The following MTF2 variants were observed in gnomAD, a reference collection of about 807,000 sequenced individuals.
MTF2 encodes the protein metal response element binding transcription factor 2.
A neutral mutation model predicts 79.5 loss-of-function variants in MTF2; 11 were observed. The ratio of observed to expected loss-of-function variants is 0.14; its 90% CI spans 0.09 to 0.23. The LOEUF (loss-of-function observed/expected upper bound fraction) is 0.23, where lower values mean the gene tolerates loss of function less well. Ranked by LOEUF, MTF2 falls within the 10% of genes least tolerant of loss-of-function variation. The pLI, the probability that MTF2 is intolerant of heterozygous loss-of-function variation, is 1.00. For missense variants in MTF2, 486 were observed against 711.2 expected, an observed-to-expected ratio of 0.68 and a Z score of 3.60; for synonymous variants, 208 against 232.8, an observed-to-expected ratio of 0.89 and a Z score of 0.97.
intron 1 of MTF2, among the ~76,000 whole-genome samples, chr1:93,087,941 CT>C (rs3834084): frequency 0.48 from 73,144 of 152,044 alleles, 21,116 homozygotes; most frequent in South Asian, 0.67. Flanking sequence ...GATATGAATG[CT>C]TTTGAGAAAG....
intron 1 of MTF2, among the ~76,000 whole-genome samples, chr1:93,100,595 C>T (rs1655491681): frequency 6.6e-6 from 1 of 152,186 alleles, no homozygotes; most frequent in African/African-American, 2.4e-5. Context: ...CCGTGAGCCA[C>T]CACCCCCAGC....
At chr1:93,126,363 C>T (rs1355349819) in intron 9 of MTF2, among the ~76,000 whole-genome samples, 1 of 151,958 alleles carries the variant, frequency 6.6e-6, no homozygotes, top group Admixed American at 6.5e-5. Context: ...CTCCAGCATT[C>T]TATTTGGCAG....
intron 2 of MTF2, 55 bp from the exon 3 acceptor site, chr1:93,110,490 A>T: frequency 1.2e-6 from 2 of 1,603,350 alleles, no homozygotes; most frequent in South Asian, 2.2e-5. Flanking sequence ...TCTTAAATTT[A>T]ACTTCATGTT....
At chr1:93,125,111 C>T (rs2815429) in intron 9 of MTF2, among the ~76,000 whole-genome samples, 15,739 of 151,728 alleles carry the variant, frequency 0.1, 1,065 homozygotes, top group East Asian at 0.28. Context: ...TCATTGCGAT[C>T]GTCAGAAAGT....
At chr1:93,093,042 C>G (rs974325534) in intron 1 of MTF2, among the ~76,000 whole-genome samples, 1 of 151,944 alleles carries the variant, frequency 6.6e-6, no homozygotes, top group South Asian at 2.1e-4. Flanking sequence ...ATTAGCCAGG[C>G]GTGGTGGCAC....
chr1:93,103,428 A>G (rs958129723), intron 1 of MTF2, among the ~76,000 whole-genome samples: 1 of 151,526 alleles, frequency 6.6e-6, no homozygotes, highest in Non-Finnish European at 1.5e-5. Context: ...CTTTTATTTT[A>G]TATTTACGTA....
intron 9 of MTF2, among the ~76,000 whole-genome samples, chr1:93,123,514 A>T (rs1656571309): frequency 6.6e-6 from 1 of 152,038 alleles, no homozygotes; most frequent in Non-Finnish European, 1.5e-5. Flanking sequence ...TCAGAGAAAA[A>T]ATTTTGTAAT....
intron 1 of MTF2, among the ~76,000 whole-genome samples, chr1:93,079,765 G>T (rs759436772): frequency 4.6e-5 from 7 of 151,998 alleles, no homozygotes; most frequent in Non-Finnish European, 1.0e-4. Flanking sequence ...GTCGTTGGGG[G>T]AGTCTGTTGG....
Position 93,133,768 on chromosome 1 carries a change from A to C in MTF2, c.1226A>C (p.Tyr409Ser), listed in dbSNP as rs146904489. The change falls in exon 12 of 15, where the codon TAT (tyrosine) becomes TCT (serine). Residue 409 changes from tyrosine (Y) to serine (S), a missense_variant. Physicochemically the swap from Tyr to Ser is moderately radical, Grantham distance 144. This residue lies in a region of MTF2 where 209 missense variants were observed against 206.5 expected (regional missense o/e 1.01). Coordinates refer to ENST00000370298, the MANE Select transcript of MTF2 (RefSeq NM_007358.4). The part of the protein sequence containing the change: ...KKSVGRPPGP[Y>S]TRKMIQKTAE... ...TCTGTAGGTCGTCCACCTGGCCCAT[A>C]TACAAGAAAAATGATTCAAAAAACT... 2 of 1,612,606 alleles carry C rather than the reference A, an allele frequency of 1.2e-6. No homozygotes were observed. The highest frequency in any genetic ancestry group is 2.2e-5 in the South Asian group (2 of 90,874).
rs181815497 is a variant in MTF2, at chr1:93,116,065, A to G, written c.632+447A>G. On this transcript the variant is annotated intron_variant, in intron 6 of 14. Coordinates refer to ENST00000370298, the MANE Select transcript of MTF2 (RefSeq NM_007358.4). ...CACAGATAGATTACTGCTTTCTTCT[A>G]CGTATTTTCATTTCTTTCTTAAAGT... Among the ~76,000 whole-genome samples the G allele has an allele frequency of 7.9e-5, 12 of 152,250 alleles. No homozygotes were observed. The East Asian group carries it at 2.3e-3, about 29-fold the overall frequency.
intron 7 of MTF2, 131 bp downstream of exon 7, chr1:93,118,571 TTAAA>T (rs1656345094): frequency 3.7e-6 from 2 of 541,792 alleles, no homozygotes; most frequent in Non-Finnish European, 6.4e-6. Flanking sequence ...AGGGAAAATA[TTAAA>T]TAATATACTT....
chr1:93,138,809 T>G lies in MTF2; in HGVS notation c.*1782T>G, dbSNP rs1460011970. The G allele has an allele frequency of 1.3e-5, 2 of 152,240 alleles. No homozygotes were observed. Among genetic ancestry groups the G allele is most frequent in the Non-Finnish European group, 2.9e-5 (2 of 68,026 alleles). 9.4% of individuals were successfully genotyped at this position (152,240 alleles called of 1,614,324 possible). ...TGAAAAATGTAAATCCCGTGTATCC[T>G]TATTCACTCCACCTGTATCATATTA... On this transcript the variant is annotated 3_prime_UTR_variant, in exon 15 of 15. Coordinates refer to ENST00000370298, the MANE Select transcript of MTF2 (RefSeq NM_007358.4).
chr1:93,093,751 G>A (rs1182657600), intron 1 of MTF2, among the ~76,000 whole-genome samples: 1 of 152,020 alleles, frequency 6.6e-6, no homozygotes, highest in Non-Finnish European at 1.5e-5. Flanking sequence ...CCAGGGTGGA[G>A]TGTAGTGGCT....
intron 9 of MTF2, among the ~76,000 whole-genome samples, chr1:93,124,199 GATT>G (rs1412206927): frequency 6.6e-6 from 1 of 151,902 alleles, no homozygotes; most frequent in African/African-American, 2.4e-5. Flanking sequence ...GGTACCTAAT[GATT>G]ATCATATAGA....
At chr1:93,091,720 C>G (rs907183674) in intron 1 of MTF2, among the ~76,000 whole-genome samples, 1 of 152,194 alleles carries the variant, frequency 6.6e-6, no homozygotes, top group African/African-American at 2.4e-5. Context: ...ACAGAGTGGT[C>G]TTTTAAGTTA....
In MTF2 at chr1:93,138,711, T is replaced by C. The variant is rs998592648; in HGVS notation, c.*1684T>C. On this transcript the variant is annotated 3_prime_UTR_variant, in exon 15 of 15. Transcript: ENST00000370298. ...GCTATTAATTTAAGGTTGCCTTTCC[T>C]GCAGCTGCAATATTTTGAATAACAC... The C allele has an allele frequency of 2.0e-5, 3 of 152,244 alleles. No individual in the cohort carries two copies. Among genetic ancestry groups the C allele is most frequent in the African/African-American group, 7.2e-5 (3 of 41,466 alleles). 9.4% of individuals were successfully genotyped at this position (152,244 alleles called of 1,614,324 possible).
intron 1 of MTF2, among the ~76,000 whole-genome samples, chr1:93,101,516 A>G (rs376525866): frequency 3.6e-5 from 5 of 140,220 alleles, no homozygotes; most frequent in African/African-American, 1.4e-4. Context: ...CACTTGGCAA[A>G]TTTTTTAAAA....
At chr1:93,098,018 A>G (rs914903571) in intron 1 of MTF2, among the ~76,000 whole-genome samples, 6 of 152,252 alleles carry the variant, frequency 3.9e-5, no homozygotes, top group Admixed American at 3.3e-4. Context: ...CAGGGGATAT[A>G]TAAGAGTAAA....
chr1:93,083,381 T>C (rs1654694557), intron 1 of MTF2, among the ~76,000 whole-genome samples: 1 of 152,248 alleles, frequency 6.6e-6, no homozygotes, highest in African/African-American at 2.4e-5. Flanking sequence ...AGCCATGTTG[T>C]AGCATTTATA....
Sources: allele counts gnomAD v4.1 joint callset (sites outside exome capture counted in the v4.1 genomes callset), GRCh38; gene constraint gnomAD v4.1.1; regional missense constraint gnomAD v4.1.1; transcripts MANE v1.5; gene names NCBI Gene and HGNC (gene_info 2026-07-23, HGNC 2026-07-21).